HNF4G: variants seen among roughly 807,000 people sequenced by gnomAD.
HNF4G encodes the protein hepatocyte nuclear factor 4-gamma.
HNF4G carries 21 observed loss-of-function variants against 50.9 expected under a neutral mutation model. The ratio of observed to expected loss-of-function variants is 0.41; its 90% CI spans 0.29 to 0.59. The LOEUF (loss-of-function observed/expected upper bound fraction) is 0.59. HNF4G is among the 20% of genes least tolerant of loss of function. HNF4G has a pLI of 0.26. For synonymous variants in HNF4G, 198 were observed against 185.6 expected (o/e 1.07, Z -0.54); for missense variants, 527 against 559.4 (o/e 0.94, Z 0.58).
At chr8:75,473,947 G>A (rs1390033098) in intron 1 of HNF4G, among the ~76,000 whole-genome samples, 1 of 151,918 alleles carries the variant, frequency 6.6e-6, no homozygotes, top group Non-Finnish European at 1.5e-5. Flanking sequence ...AAAAACAAAC[G>A]GAAACAAAAA....
chr8:75,441,331 C>T (rs1008087433), intron 1 of HNF4G, among the ~76,000 whole-genome samples: 10 of 151,908 alleles, frequency 6.6e-5, no homozygotes, highest in Non-Finnish European at 8.8e-5. Flanking sequence ...CTGCAACCTC[C>T]GTCTCCCAGG....
intron 1 of HNF4G, among the ~76,000 whole-genome samples, chr8:75,421,777 G>T (rs1453179191): frequency 6.6e-6 from 1 of 152,134 alleles, no homozygotes; most frequent in African/African-American, 2.4e-5. Context: ...AAGTTTGCAG[G>T]TGCTGCTCCT....
At chr8:75,470,589 G>T (rs1812091366) in intron 1 of HNF4G, among the ~76,000 whole-genome samples, 1 of 152,102 alleles carries the variant, frequency 6.6e-6, no homozygotes, top group Non-Finnish European at 1.5e-5. Flanking sequence ...AATGAAATGG[G>T]AATATTTTAT....
At position 75,549,853 on chromosome 8, in the gene HNF4G, T is replaced by A. The variant is rs143145914; in HGVS notation, c.383-1535T>A. 8.5e-3 allele frequency among the ~76,000 whole-genome samples: 1,298 copies of A among 152,070 alleles called. 11 individuals are homozygous for A. The highest frequency in any genetic ancestry group is 0.028 in the African/African-American group (1,169 of 41,460). The stretch of plus-strand genomic sequence containing the variant: ...CAATTCCCATCTATGAGTGAGAACA[T>A]GTGATGTTTGGTTTTTTGTCCTTGT... On this transcript the variant is annotated intron_variant, in intron 3 of 9. Transcript: ENST00000396423.
chr8:75,507,548 T>G (rs183224018), intron 2 of HNF4G, among the ~76,000 whole-genome samples: 13 of 152,354 alleles, frequency 8.5e-5, no homozygotes, highest in African/African-American at 3.1e-4. Context: ...CGTGAGCCAC[T>G]GTGCCCGGCT....
In HNF4G at chr8:75,553,078, A is replaced by T. The variant is rs1415299592; in HGVS notation, c.526A>T (p.Asn176Tyr). ...VSSPGSSTDINVKKIASIGDV... is the reference protein window; with the variant it reads ...VSSPGSSTDIYVKKIASIGDV... ...AAGCCCTGGGTCAAGCACTGACATA[A>T]ACGTTAAGAAAATTGCAAGTATTGG... Residue 176 changes from asparagine to tyrosine, a missense_variant, in exon 5 of 10, where the codon AAC becomes TAC. Physicochemically the swap from Asn to Tyr is moderately radical, Grantham distance 143. This residue lies in a region of HNF4G where 128 missense variants were observed against 135.3 expected (regional missense o/e 0.95). Transcript: ENST00000396423. The T allele has an allele frequency of 1.6e-5, 26 of 1,612,600 alleles. No individual in the cohort carries two copies. In the Admixed American group the frequency reaches 2.3e-4, roughly 14 times the overall value.
At chr8:75,558,068 G>A (rs1028224635) in intron 6 of HNF4G, among the ~76,000 whole-genome samples, 9 of 152,108 alleles carry the variant, frequency 5.9e-5, no homozygotes, top group African/African-American at 2.2e-4. Flanking sequence ...TTACTTAGGT[G>A]TGTTAAAACT....
intron 1 of HNF4G, among the ~76,000 whole-genome samples, chr8:75,472,113 T>C (rs1812128264): frequency 6.6e-6 from 1 of 152,182 alleles, no homozygotes; most frequent in African/African-American, 2.4e-5. Flanking sequence ...CTTTCTTTCA[T>C]CCTTCCTCCC....
At chr8:75,547,473 C>T (rs1378124438) in intron 2 of HNF4G, 114 bp from the exon 3 acceptor site, 6 of 738,648 alleles carry the variant, frequency 8.1e-6, no homozygotes, top group Non-Finnish European at 1.4e-5. Flanking sequence ...TGTTCCTATA[C>T]CTTCTTTTTA....
intron 2 of HNF4G, among the ~76,000 whole-genome samples, chr8:75,500,298 A>G (rs1000642071): frequency 1.3e-5 from 2 of 152,198 alleles, no homozygotes; most frequent in Non-Finnish European, 2.9e-5. Flanking sequence ...CATTAGGAAA[A>G]TGCAATTTAA....
intron 2 of HNF4G, among the ~76,000 whole-genome samples, chr8:75,501,858 T>TC (rs891824578): frequency 1.3e-5 from 1 of 79,022 alleles, no homozygotes; most frequent in African/African-American, 9.4e-5. Context: ...CCTAAAGTAT[T>TC]TTTTTTTTTT....
chr8:75,522,190 G>GTATAT lies in HNF4G; in HGVS notation c.-23-21618_-23-21614dup, dbSNP rs1806062517. Among the ~76,000 whole-genome samples the GTATAT allele has an allele frequency of 1.3e-5, 2 of 152,238 alleles. 1 individual carries two copies. The highest frequency in any genetic ancestry group is 4.1e-4 in the South Asian group (2 of 4,824). On this transcript the variant is annotated intron_variant, in intron 2 of 10. Coordinates refer to the HNF4G transcript ENST00000354370. The stretch of plus-strand genomic sequence containing the variant: ...CCCAGGAATCACAATTGTTATGCTA[G>GTATAT]TATATTAGTTCCTTAATTAAACAAA...
intron 1 of HNF4G, among the ~76,000 whole-genome samples, chr8:75,448,809 A>C (rs1472891141): frequency 6.6e-6 from 1 of 152,166 alleles, no homozygotes; most frequent in African/African-American, 2.4e-5. Context: ...ATTTGATGAA[A>C]GTTAAACATT....
At chr8:75,547,730 A>T in intron 3 of HNF4G, 49 bp downstream of exon 3, 1 of 1,061,242 alleles carries the variant, frequency 9.4e-7, no homozygotes, top group East Asian at 2.4e-5. Context: ...AAAGTGATAA[A>T]CATACACACA....
intron 1 of HNF4G, among the ~76,000 whole-genome samples, chr8:75,477,667 T>C (rs1014214254): frequency 1.3e-5 from 2 of 151,796 alleles, no homozygotes; most frequent in Admixed American, 6.6e-5. Context: ...TATATAAATA[T>C]ATATTTTAAA....
chr8:75,544,068 G>A (rs1047350319), intron 2 of HNF4G, 89 bp downstream of exon 2: 25 of 1,148,510 alleles, frequency 2.2e-5, no homozygotes, highest in East Asian at 4.8e-5. Flanking sequence ...CAGAGTTTTC[G>A]TATATCTGTA....
intron 1 of HNF4G, among the ~76,000 whole-genome samples, chr8:75,419,615 A>G (rs1245766369): frequency 6.6e-6 from 1 of 152,250 alleles, no homozygotes; most frequent in Non-Finnish European, 1.5e-5. Flanking sequence ...TGGTGATTTC[A>G]GAGTTTCTCA....
At chr8:75,434,874 A>G (rs923316121) in intron 1 of HNF4G, among the ~76,000 whole-genome samples, 1 of 152,276 alleles carries the variant, frequency 6.6e-6, no homozygotes, top group Non-Finnish European at 1.5e-5. Flanking sequence ...GAAGAAATAG[A>G]AAAACTTAGT....
At chr8:75,415,193 T>C (rs760452089) in intron 1 of HNF4G, among the ~76,000 whole-genome samples, 34 of 152,226 alleles carry the variant, frequency 2.2e-4, no homozygotes, top group African/African-American at 6.5e-4. Flanking sequence ...TCAAATCCTA[T>C]GCAGTCCCCT....
Sources: gnomAD v4.1 joint callset for allele counts (sites outside exome capture counted in the v4.1 genomes callset) on GRCh38, gnomAD v4.1.1 for gene constraint, gnomAD v4.1.1 regional missense constraint, MANE v1.5 for transcripts, NCBI Gene and HGNC (gene_info 2026-07-23, HGNC 2026-07-21) for gene names.